The following EML6 variants were observed in gnomAD, a reference collection of about 807,000 sequenced individuals.
EML6 encodes EMAP like 6, also known as echinoderm microtubule-associated protein-like 6.
EML6 carries 154 observed loss-of-function variants against 240.1 expected under a neutral mutation model. The ratio of observed to expected loss-of-function variants is 0.64; its 90% CI spans 0.56 to 0.73. EML6 has a LOEUF of 0.73. EML6 is among the 30% of genes least tolerant of loss of function. EML6 has a pLI of 0.00. For synonymous variants in EML6, 1,148 were observed against 899.0 expected (o/e 1.28, Z -4.95); for missense variants, 2,964 against 2,474.6 (o/e 1.20, Z -4.20).
intron 2 of EML6, among the ~76,000 whole-genome samples, chr2:54,804,905 C>G (rs570704347): frequency 3.3e-5 from 5 of 152,214 alleles, no homozygotes; most frequent in Admixed American, 2.6e-4. Context: ...ACCATTCTTA[C>G]ATCACTTTTC....
At position 54,954,095 on chromosome 2, in the gene EML6, G is replaced by A; in HGVS notation, c.4425G>A (p.Lys1475=). The change falls in exon 32 of 42, where the codon AAG becomes AAA. Residue 1475 remains lysine, a synonymous_variant. Transcript: ENST00000356458. ...VNYINFSATG[K]LLVSVGVDPE... ...ACATCAACTTCAGTGCAACTGGAAA[G>A]CTCCTGGTGTCGGTGGGAGTGGACC... 3 of 1,551,822 alleles carry A rather than the reference G, an allele frequency of 1.9e-6. No homozygotes were observed. Among genetic ancestry groups the A allele is most frequent in the Non-Finnish European group, 2.6e-6 (3 of 1,147,010 alleles).
chr2:54,794,246 C>T (rs1669632223), intron 2 of EML6, among the ~76,000 whole-genome samples: 1 of 152,148 alleles, frequency 6.6e-6, no homozygotes, highest in South Asian at 2.1e-4. Context: ...CTGGACTGTG[C>T]CATTACACTC....
intron 2 of EML6, among the ~76,000 whole-genome samples, chr2:54,773,371 C>T (rs1447309412): frequency 1.3e-5 from 2 of 152,208 alleles, no homozygotes; most frequent in Admixed American, 6.5e-5. Flanking sequence ...TCTATGTGCC[C>T]ACCTCTTTTC....
chr2:54,859,525 TTCTTTCAGGAG>T lies in EML6; in HGVS notation c.1658-8_1660del, dbSNP rs1670566361. Reference sequence around the variant, plus strand: ...TCATAACTAATCCTCTCAAAAAATATTCTTTCAGGAGCCAAATTTAGAAAGTATGTGGGCCA... The same window carrying T: ...TCATAACTAATCCTCTCAAAAAATATCCAAATTTAGAAAGTATGTGGGCCA... On this transcript the variant is annotated splice_acceptor_variant and splice_polypyrimidine_tract_variant and coding_sequence_variant and intron_variant, in exon 12 of 42. Coordinates refer to ENST00000356458, the MANE Select transcript of EML6 (RefSeq NM_001039753.4). LOFTEE classifies it high-confidence loss of function. 4 of 1,547,858 alleles carry T rather than the reference TTCTTTCAGGAG, an allele frequency of 2.6e-6. No individual in the cohort carries two copies. Among genetic ancestry groups the T allele is most frequent in the Admixed American group, 4.0e-5 (2 of 50,244 alleles).
chr2:54,863,382 T>C (rs773613718), intron 12 of EML6, among the ~76,000 whole-genome samples: 1 of 152,192 alleles, frequency 6.6e-6, no homozygotes, highest in Non-Finnish European at 1.5e-5. Flanking sequence ...TAACTGGGCA[T>C]GGTGGTACGC....
chr2:54,903,609 G>C (rs1420083067), intron 24 of EML6, 107 bp downstream of exon 24: 1 of 917,356 alleles, frequency 1.1e-6, no homozygotes, highest in Non-Finnish European at 1.6e-6. Flanking sequence ...ATGGGAAAGG[G>C]GAATCCCACA....
At chr2:54,846,048 G>A (rs1669733408) in intron 8 of EML6, among the ~76,000 whole-genome samples, 2 of 152,216 alleles carry the variant, frequency 1.3e-5, no homozygotes, top group South Asian at 2.1e-4. Context: ...GGATTTAGGT[G>A]TTGTGGGGAT....
chr2:54,832,232 G>A lies in EML6; in HGVS notation c.847+2755G>A, dbSNP rs762655281. 9.9e-5 allele frequency among the ~76,000 whole-genome samples: 15 copies of A among 152,220 alleles called. 1 individual carries two copies. Among genetic ancestry groups the A allele is most frequent in the Non-Finnish European group, 1.8e-4 (12 of 68,040 alleles). On this transcript the variant is annotated intron_variant, in intron 7 of 41. Coordinates refer to ENST00000356458, the MANE Select transcript of EML6 (RefSeq NM_001039753.4). ...GCCCACCCATTGCTTCCAACTTAGG[G>A]AGTTCTTGAGCCTGCATGGACAGGG...
chr2:54,871,476 A>T (rs1390370164), intron 15 of EML6, 24 bp from the exon 16 acceptor site: 2 of 1,504,714 alleles, frequency 1.3e-6, no homozygotes, highest in Non-Finnish European at 1.8e-6. Flanking sequence ...TTAGTAGTTA[A>T]TAACAGTCAT....
In EML6 at chr2:54,871,641, T is replaced by TGA. The variant is rs533433291; in HGVS notation, c.2344+49_2344+50dup. The TGA allele has an allele frequency of 9.4e-4, 1,320 of 1,407,262 alleles. 3 individuals are homozygous for TGA. In the South Asian group the frequency reaches 0.011, roughly 12 times the overall value. The allele number at this position is 1,407,262 out of a possible 1,614,324, so 87.2% of individuals were successfully genotyped here. A position where few individuals can be genotyped will look rare whatever the true frequency, so the allele number is the denominator to read the frequency against. On this transcript the variant is annotated intron_variant, in intron 16 of 41. Coordinates refer to ENST00000356458, the MANE Select transcript of EML6 (RefSeq NM_001039753.4). Reference sequence around the variant, plus strand: ...GAGTGATTGACACATGGTTCTACGTTGAGAGAGAGAGAGACACAGAGAGAG... The same window carrying TGA: ...GAGTGATTGACACATGGTTCTACGTTGAGAGAGAGAGAGAGACACAGAGAGAG...
At chr2:54,876,430 A>G (rs1558639678) in intron 16 of EML6, among the ~76,000 whole-genome samples, 1 of 152,126 alleles carries the variant, frequency 6.6e-6, no homozygotes, top group Non-Finnish European at 1.5e-5. Flanking sequence ...TTTGGTTTAG[A>G]AAGGTGGTAT....
At chr2:54,820,977 C>G (rs1017520923) in intron 5 of EML6, among the ~76,000 whole-genome samples, 2 of 152,068 alleles carry the variant, frequency 1.3e-5, no homozygotes, top group African/African-American at 4.8e-5. Flanking sequence ...TCTGGGTAGA[C>G]CTACATTTGC....
intron 28 of EML6, among the ~76,000 whole-genome samples, chr2:54,948,211 G>T (rs920370781): frequency 2.0e-5 from 3 of 152,168 alleles, no homozygotes; most frequent in Admixed American, 6.5e-5. Context: ...TAAATTTGGA[G>T]GCCCCAGACC....
At chr2:54,868,041 A>C (rs190439938) in intron 14 of EML6, 13 of 152,338 alleles carry the variant, frequency 8.5e-5, no homozygotes, top group African/African-American at 2.6e-4. Context: ...CTGCATGTGT[A>C]AAATGCACAC....
chr2:54,725,646 G>A lies in EML6; in HGVS notation c.197+388G>A, dbSNP rs1436881931. Among the ~76,000 whole-genome samples, 3 of 152,144 alleles carry A rather than the reference G, an allele frequency of 2.0e-5. No individual in the cohort carries two copies. Among genetic ancestry groups the A allele is most frequent in the Admixed American group, 6.6e-5 (1 of 15,266 alleles). ...GAAGTGTGGGCATCATCTTTGGGAG[G>A]CTCCTCAGTGGGTTTCTCAGTAAGC... On this transcript the variant is annotated intron_variant, in intron 2 of 41. Coordinates refer to ENST00000356458, the MANE Select transcript of EML6 (RefSeq NM_001039753.4). The surrounding 1 kb of genome is among the most constrained non-coding windows in gnomAD (Gnocchi z 4.3).
chr2:54,831,376 T>G (rs1668860681), intron 7 of EML6, among the ~76,000 whole-genome samples: 1 of 152,238 alleles, frequency 6.6e-6, no homozygotes, highest in Non-Finnish European at 1.5e-5. Context: ...TGCCCAATAC[T>G]GAGTCCTTGA....
At chr2:54,913,275 T>G (rs1292190342) in intron 25 of EML6, among the ~76,000 whole-genome samples, 3 of 150,962 alleles carry the variant, frequency 2.0e-5, no homozygotes, top group African/African-American at 7.3e-5. Context: ...TTTCTAAGGG[T>G]CTTGCTGTAT....
chr2:54,792,199 ATTTTC>A (rs1669490850), intron 2 of EML6, among the ~76,000 whole-genome samples: 2 of 152,100 alleles, frequency 1.3e-5, no homozygotes, highest in Admixed American at 1.3e-4. Flanking sequence ...GACATGTAAT[ATTTTC>A]TTATTTCTAT....
intron 34 of EML6, among the ~76,000 whole-genome samples, 166 bp downstream of exon 34, chr2:54,959,427 C>G (rs1454113927): frequency 6.6e-6 from 1 of 152,174 alleles, no homozygotes; most frequent in Non-Finnish European, 1.5e-5. Flanking sequence ...AGTCAAGATC[C>G]TCACAAGGAA....
Sources: gnomAD v4.1 joint callset for allele counts (sites outside exome capture counted in the v4.1 genomes callset) on GRCh38, gnomAD v4.1.1 for gene constraint, Gnocchi (gnomAD v3.1) non-coding constraint, MANE v1.5 for transcripts, NCBI Gene and HGNC (gene_info 2026-07-23, HGNC 2026-07-21) for gene names.